Variants in RBM47 observed in about 807,000 individuals in gnomAD.
RBM47 encodes RNA-binding protein 47.
RBM47 carries 21 observed loss-of-function variants against 47.1 expected under a neutral mutation model. The observed-to-expected ratio is 0.45, with a 90% confidence interval of 0.32 to 0.64. The LOEUF (loss-of-function observed/expected upper bound fraction) is 0.64. RBM47 is among the 30% of genes least tolerant of loss of function. The pLI is 0.05. For missense variants in RBM47, 708 were observed against 870.9 expected (o/e 0.81, Z 2.35); for synonymous variants, 375 against 361.7 (o/e 1.04, Z -0.42).
chr4:40,620,327 G>A (rs1035094056), intron 1 of RBM47, among the ~76,000 whole-genome samples: 2 of 151,590 alleles, frequency 1.3e-5, no homozygotes, highest in African/African-American at 4.9e-5. Flanking sequence ...CCAACATGGT[G>A]AAACCCGTTT....
At chr4:40,569,135 T>C (rs1292672140) in intron 1 of RBM47, among the ~76,000 whole-genome samples, 7 of 151,814 alleles carry the variant, frequency 4.6e-5, no homozygotes, top group Non-Finnish European at 7.4e-5. Context: ...AAATACATGA[T>C]CCAGCATACA....
intron 2 of RBM47, among the ~76,000 whole-genome samples, chr4:40,475,530 C>T (rs1295476261): frequency 6.6e-6 from 1 of 152,158 alleles, no homozygotes; most frequent in Non-Finnish European, 1.5e-5. Flanking sequence ...GCAGACTGTG[C>T]AGCAGTTGAA....
intron 2 of RBM47, among the ~76,000 whole-genome samples, chr4:40,526,453 G>A (rs1466679635): frequency 6.7e-6 from 1 of 148,784 alleles, no homozygotes; most frequent in East Asian, 1.9e-4. Context: ...AAGTCACTGA[G>A]TACAGAGGAT....
At chr4:40,436,994 C>T (rs1312801035) in intron 4 of RBM47, 5 of 375,258 alleles carry the variant, frequency 1.3e-5, no homozygotes, top group African/African-American at 9.6e-5. Context: ...AATCCCAGCA[C>T]TTTGGGAGGC....
chr4:40,483,860 T>G (rs547642086), intron 2 of RBM47, among the ~76,000 whole-genome samples: 8 of 152,358 alleles, frequency 5.3e-5, no homozygotes, highest in Non-Finnish European at 1.0e-4. Context: ...GCATAGTGTA[T>G]TTGAAGAGCC....
Position 40,441,979 on chromosome 4 carries a change from G to A in RBM47, c.-31-3055C>T, listed in dbSNP as rs2154215211. ...TTATTTTTACTTTGGCCTCTAGGAA[G>A]TTCACGATTGATTTTTTTCACTCCA... On this transcript the variant is annotated intron_variant, in intron 3 of 6. Coordinates refer to ENST00000295971, the MANE Select transcript of RBM47 (RefSeq NM_001098634.2). Among the ~76,000 whole-genome samples the A allele has an allele frequency of 1.3e-5, 2 of 152,290 alleles. 1 individual carries two copies. The highest frequency in any genetic ancestry group is 4.1e-4 in the South Asian group (2 of 4,822).
At chr4:40,456,682 C>T (rs1488602624) in intron 3 of RBM47, among the ~76,000 whole-genome samples, 4 of 150,412 alleles carry the variant, frequency 2.7e-5, no homozygotes, top group African/African-American at 7.3e-5. Flanking sequence ...CCTCCTACCT[C>T]GACCTCTCAG....
intron 5 of RBM47, 28 bp from the exon 6 acceptor site, chr4:40,432,890 G>C (rs1218903817): frequency 1.2e-5 from 19 of 1,611,810 alleles, no homozygotes; most frequent in Non-Finnish European, 1.4e-5. Flanking sequence ...AGGAAAAACA[G>C]GTCAATCACT....
intron 1 of RBM47, among the ~76,000 whole-genome samples, chr4:40,559,908 C>G (rs976206392): frequency 6.6e-6 from 1 of 152,144 alleles, no homozygotes; most frequent in African/African-American, 2.4e-5. Context: ...CATTACAAGC[C>G]ATTTCTAGTG....
chr4:40,554,798 A>ATTTTTT (rs1729915787), intron 1 of RBM47, among the ~76,000 whole-genome samples: 1 of 143,978 alleles, frequency 6.9e-6, no homozygotes. Flanking sequence ...TTTTTAACGA[A>ATTTTTT]TCTCCCAGGC....
At position 40,438,281 on chromosome 4, in the gene RBM47, G is replaced by A. The variant is rs1357887873; in HGVS notation, c.613C>T (p.Arg205Cys). The A allele has an allele frequency of 6.2e-7, 1 of 1,603,984 alleles. No individual in the cohort carries two copies. Among genetic ancestry groups the A allele is most frequent in the East Asian group, 2.2e-5 (1 of 44,880 alleles). Residue 205 changes from arginine to cysteine, a missense_variant, in exon 4 of 7, where the codon CGC (arginine) becomes TGC (cysteine). By Grantham distance (180) the Arg-to-Cys change is radical (BLOSUM62 -3). Coordinates refer to ENST00000295971, the MANE Select transcript of RBM47 (RefSeq NM_001098634.2). The stretch of plus-strand genomic sequence containing the variant: ...TTGCGGCGAGCCATGGCAGCCGCGC[G>A]GTGGCTCTCGTACTCCACGAAGGCG... ...GFAFVEYESHRAAAMARRKLM... is the reference protein window; with the variant it reads ...GFAFVEYESHCAAAMARRKLM...
intron 1 of RBM47, among the ~76,000 whole-genome samples, chr4:40,598,267 G>A (rs1216709560): frequency 6.6e-6 from 1 of 152,072 alleles, no homozygotes; most frequent in Non-Finnish European, 1.5e-5. Context: ...TTTATTTTGA[G>A]ATGGGGTCTC....
At chr4:40,594,724 G>A (rs1466885026) in intron 1 of RBM47, among the ~76,000 whole-genome samples, 1 of 152,066 alleles carries the variant, frequency 6.6e-6, no homozygotes, top group African/African-American at 2.4e-5. Context: ...CCAAATCCTT[G>A]TTTCTCCCGG....
At chr4:40,448,738 T>C (rs1452846507) in intron 3 of RBM47, among the ~76,000 whole-genome samples, 1 of 152,190 alleles carries the variant, frequency 6.6e-6, no homozygotes, top group Admixed American at 6.5e-5. Flanking sequence ...TGGCAATGTG[T>C]GGCACACAAT....
In RBM47 at chr4:40,424,945, TA is replaced by T. The variant is rs1714813135; in HGVS notation, c.*958del. ...CTTGTGCTTACTCTGCTACTGAAAA[TA>T]GCACACGTAGAAGACAATACTTCCC... On this transcript the variant is annotated 3_prime_UTR_variant, in exon 7 of 7. Transcript: ENST00000295971. The T allele has an allele frequency of 6.7e-6, 1 of 150,090 alleles. No individual in the cohort carries two copies. The highest frequency in any genetic ancestry group is 1.5e-5 in the Non-Finnish European group (1 of 67,646). 9.3% of individuals were successfully genotyped at this position (150,090 alleles called of 1,614,324 possible).
At chr4:40,515,730 T>C (rs1177691426) in intron 2 of RBM47, 4 of 152,202 alleles carry the variant, frequency 2.6e-5, no homozygotes. Context: ...ATCTATAAAG[T>C]ACAAATGTCT....
rs181719562 is a variant in RBM47, at chr4:40,500,367, T to C, written c.-154-33668A>G. Among the ~76,000 whole-genome samples, 431 of 152,036 alleles carry C rather than the reference T, an allele frequency of 2.8e-3. 2 individuals are homozygous for C. Among genetic ancestry groups the C allele is most frequent in the African/African-American group, 9.9e-3 (411 of 41,466 alleles). ...CGGCTCATGCCTGTAATCCCAGCAC[T>C]TCGGGAGGCCGAGATGGGCGAAATG... is the stretch of plus-strand genomic sequence containing the variant. On this transcript the variant is annotated intron_variant, in intron 2 of 6. Transcript: ENST00000295971.
At chr4:40,629,988 T>C (rs1002656392), upstream of RBM47, 1 of 152,356 alleles carries the variant, frequency 6.6e-6, no homozygotes, top group African/African-American at 2.4e-5. Context: ...CAAACCAGAT[T>C]TTTACTCCCA....
At chr4:40,575,942 G>A (rs571968886) in intron 1 of RBM47, among the ~76,000 whole-genome samples, 254 of 152,330 alleles carry the variant, frequency 1.7e-3, no homozygotes, top group African/African-American at 5.8e-3. Flanking sequence ...TGATCCAGAG[G>A]AAGCCCAGAA....
Sources: allele counts gnomAD v4.1 joint callset (sites outside exome capture counted in the v4.1 genomes callset), GRCh38; gene constraint gnomAD v4.1.1; transcripts MANE v1.5; gene names NCBI Gene and HGNC (gene_info 2026-07-23, HGNC 2026-07-21).